PTPRD: variants seen among roughly 807,000 people sequenced by gnomAD.
PTPRD encodes receptor-type tyrosine-protein phosphatase delta.
A neutral mutation model predicts 214.5 loss-of-function variants in PTPRD; 34 were observed. That is an observed-to-expected ratio of 0.16 (90% CI 0.12 to 0.21). PTPRD has a LOEUF of 0.21. Among genes scored for constraint, PTPRD ranks in the 10% least tolerant of loss-of-function variants. The pLI is 1.00. For synonymous variants in PTPRD, 1,128 were observed against 845.7 expected, an observed-to-expected ratio of 1.33 and a Z score of -5.79; for missense variants, 2,545 against 2,398.7, an observed-to-expected ratio of 1.06 and a Z score of -1.27.
chr9:9,461,738 G>A (rs1004552748), intron 8 of PTPRD, among the ~76,000 whole-genome samples: 2 of 152,076 alleles, frequency 1.3e-5, no homozygotes, highest in Non-Finnish European at 2.9e-5. Context: ...TTATGGGCCA[G>A]ATTGAGGCAG....
chr9:9,047,732 T>C (rs2099675745), intron 10 of PTPRD, among the ~76,000 whole-genome samples: 1 of 152,048 alleles, frequency 6.6e-6, no homozygotes, highest in African/African-American at 2.4e-5. Context: ...TCTCCAATCA[T>C]ATATGAAAAT....
At chr9:8,864,921 T>C (rs1356982553) in intron 11 of PTPRD, among the ~76,000 whole-genome samples, 2 of 152,242 alleles carry the variant, frequency 1.3e-5, no homozygotes, top group Non-Finnish European at 2.9e-5. Flanking sequence ...CTTACACTTG[T>C]ATTAAAAACA....
intron 9 of PTPRD, among the ~76,000 whole-genome samples, chr9:9,308,262 G>C (rs1034142142): frequency 1.3e-5 from 2 of 152,118 alleles, no homozygotes; most frequent in African/African-American, 4.8e-5. Flanking sequence ...TTCATTTTCA[G>C]ATCATTCATG....
intron 30 of PTPRD, among the ~76,000 whole-genome samples, chr9:8,472,788 T>C (rs889972933): frequency 7.2e-5 from 11 of 152,214 alleles, no homozygotes; most frequent in Admixed American, 7.2e-4. Flanking sequence ...ATGTCACATG[T>C]GACTTTCATT....
chr9:9,859,125 C>T lies in PTPRD; in HGVS notation c.-368+79382G>A, dbSNP rs540280169. Reference sequence around the variant, plus strand: ...AGTGCAGCACTCCCCCATGCTCACACGCACACTCTCTCTCTTCTACTGCCT... The same window carrying T: ...AGTGCAGCACTCCCCCATGCTCACATGCACACTCTCTCTCTTCTACTGCCT... On this transcript the variant is annotated intron_variant, in intron 5 of 45. Transcript: ENST00000381196. Among the ~76,000 whole-genome samples the T allele has an allele frequency of 9.9e-5, 15 of 152,270 alleles. No homozygotes were observed. The South Asian group carries it at 2.5e-3, about 25-fold the overall frequency.
chr9:8,831,405 A>G (rs187200317), intron 11 of PTPRD, among the ~76,000 whole-genome samples: 2 of 152,248 alleles, frequency 1.3e-5, no homozygotes, highest in Non-Finnish European at 2.9e-5. Context: ...ATGAAACTGC[A>G]TTAGGAGACC....
intron 8 of PTPRD, among the ~76,000 whole-genome samples, chr9:9,429,205 A>G (rs1172300051): frequency 1.3e-5 from 2 of 152,318 alleles, no homozygotes; most frequent in African/African-American, 4.8e-5. Flanking sequence ...ACAATAAAAA[A>G]TGACAAAGGG....
intron 4 of PTPRD, among the ~76,000 whole-genome samples, chr9:9,949,166 A>C (rs907509897): frequency 2.6e-5 from 4 of 152,118 alleles, no homozygotes; most frequent in Non-Finnish European, 4.4e-5. Context: ...TGATCTGTAG[A>C]AAATATTCCT....
intron 39 of PTPRD, among the ~76,000 whole-genome samples, chr9:8,365,916 C>G (rs1403018244): frequency 6.6e-6 from 1 of 152,048 alleles, no homozygotes; most frequent in Non-Finnish European, 1.5e-5. Context: ...TGTCCTGCCC[C>G]AAGTCAACCC....
At chr9:9,201,672 T>A (rs969841597) in intron 9 of PTPRD, among the ~76,000 whole-genome samples, 2 of 152,206 alleles carry the variant, frequency 1.3e-5, no homozygotes, top group East Asian at 1.9e-4. Context: ...AACAAATGTC[T>A]TACAATATTC....
At chr9:8,543,935 C>T (rs1238719218) in intron 14 of PTPRD, among the ~76,000 whole-genome samples, 1 of 152,080 alleles carries the variant, frequency 6.6e-6, no homozygotes, top group African/African-American at 2.4e-5. Context: ...TGGTCTCAAA[C>T]CCCTGACTTC....
intron 11 of PTPRD, chr9:8,862,346 A>ACT: frequency 6.6e-6 from 1 of 152,310 alleles, no homozygotes; most frequent in African/African-American, 2.4e-5. Context: ...ACAGAGCCAG[A>ACT]CTCTGTCTCA....
chr9:8,758,761 CT>C (rs35398834), intron 11 of PTPRD, among the ~76,000 whole-genome samples: 14,136 of 144,848 alleles, frequency 0.098, 821 homozygotes, highest in Non-Finnish European at 0.13. Flanking sequence ...AGAAAATAAC[CT>C]TTTTTTTTTT....
intron 11 of PTPRD, among the ~76,000 whole-genome samples, chr9:8,915,895 G>A (rs945178863): frequency 2.0e-5 from 3 of 152,146 alleles, no homozygotes; most frequent in African/African-American, 7.2e-5. Flanking sequence ...CCCAATATCT[G>A]GGCATCCGGT....
At chr9:10,290,416 A>G (rs1311240845) in intron 3 of PTPRD, among the ~76,000 whole-genome samples, 1 of 152,146 alleles carries the variant, frequency 6.6e-6, no homozygotes, top group African/African-American at 2.4e-5. Context: ...CGACTGAAGA[A>G]AAAGAATGTC....
chr9:10,494,747 G>C (rs2041516182), intron 2 of PTPRD, among the ~76,000 whole-genome samples: 2 of 150,868 alleles, frequency 1.3e-5, no homozygotes, highest in South Asian at 4.2e-4. Flanking sequence ...AGATGAATCT[G>C]ATTATTTATA....
chr9:9,588,760 A>G lies in PTPRD; in HGVS notation c.-286-13979T>C, dbSNP rs531091438. Among the ~76,000 whole-genome samples, 3 of 152,104 alleles carry G rather than the reference A, an allele frequency of 2.0e-5. No individual in the cohort carries two copies. The East Asian group carries it at 5.8e-4, about 29-fold the overall frequency. On this transcript the variant is annotated intron_variant, in intron 7 of 45. Coordinates refer to ENST00000381196, the MANE Select transcript of PTPRD (RefSeq NM_002839.4). Reference sequence around the variant, plus strand: ...ATGAAATGTTACGGGAACTGCATCAATATGTTTTCTAAATATTTTACTCAT... The same window carrying G: ...ATGAAATGTTACGGGAACTGCATCAGTATGTTTTCTAAATATTTTACTCAT...
At chr9:8,897,045 T>C (rs2098621903) in intron 11 of PTPRD, among the ~76,000 whole-genome samples, 1 of 152,180 alleles carries the variant, frequency 6.6e-6, no homozygotes, top group Non-Finnish European at 1.5e-5. Flanking sequence ...ATATCTACAA[T>C]ACTGTGAAAT....
chr9:9,665,828 A>C (rs1178595033), intron 7 of PTPRD, among the ~76,000 whole-genome samples: 1 of 151,892 alleles, frequency 6.6e-6, no homozygotes, highest in African/African-American at 2.4e-5. Context: ...TGTTTGGCAA[A>C]ATTCCAGGGA....
Sources: allele counts gnomAD v4.1 joint callset (sites outside exome capture counted in the v4.1 genomes callset), GRCh38; gene constraint gnomAD v4.1.1; transcripts MANE v1.5; gene names NCBI Gene and HGNC (gene_info 2026-07-23, HGNC 2026-07-21).